Variants in ICA1L observed in about 807,000 individuals in gnomAD.
ICA1L encodes the protein islet cell autoantigen 1-like protein.
A neutral mutation model predicts 61.3 loss-of-function variants in ICA1L; 50 were observed. That is an observed-to-expected ratio of 0.82 (90% CI 0.65 to 1.03). The LOEUF (loss-of-function observed/expected upper bound fraction) is 1.03, where lower values mean the gene tolerates loss of function less well. Ranked by LOEUF, ICA1L falls within the 50% of genes least tolerant of loss-of-function variation. ICA1L has a pLI of 0.00. For synonymous variants in ICA1L, 161 were observed against 191.3 expected (o/e 0.84, Z 1.31); for missense variants, 508 against 556.7 (o/e 0.91, Z 0.88).
At chr2:202,839,804 G>A (rs576742113) in intron 1 of ICA1L, among the ~76,000 whole-genome samples, 2 of 151,466 alleles carry the variant, frequency 1.3e-5, no homozygotes, top group South Asian at 2.1e-4. Context: ...GTGATTAGAC[G>A]ATTTTTCTCT....
intron 12 of ICA1L, among the ~76,000 whole-genome samples, chr2:202,783,715 T>C (rs1001988309): frequency 3.3e-5 from 5 of 152,224 alleles, no homozygotes; most frequent in African/African-American, 1.2e-4. Context: ...TGACAAACTC[T>C]GAATAAGATC....
rs571799720 is a variant in ICA1L at position 202,849,148 on chromosome 2, T to C, written c.-7-20132A>G. On this transcript the variant is annotated intron_variant, in intron 1 of 12. Transcript: ENST00000358299. The surrounding 1 kb of genome is among the most constrained non-coding windows in gnomAD (Gnocchi z 4.5). ...ATCCGCAGACCAGAAGATTCCCACA[T>C]GTGCCTATACCACCAGGGCCCTGGG... is the stretch of plus-strand genomic sequence containing the variant. Among the ~76,000 whole-genome samples the C allele has an allele frequency of 7.2e-5, 11 of 152,318 alleles. No homozygotes were observed. Among genetic ancestry groups the C allele is most frequent in the Middle Eastern group, 3.4e-3 (1 of 294 alleles).
chr2:202,792,323 A>G (rs1478618452), intron 10 of ICA1L, among the ~76,000 whole-genome samples: 3 of 152,184 alleles, frequency 2.0e-5, no homozygotes, highest in Admixed American at 6.5e-5. Context: ...CAACCTAGCA[A>G]TTTCACTCCT....
intron 12 of ICA1L, among the ~76,000 whole-genome samples, chr2:202,783,310 G>A (rs899016725): frequency 1.3e-5 from 2 of 152,132 alleles, no homozygotes; most frequent in African/African-American, 4.8e-5. Context: ...ATTACAAAGG[G>A]AAAAATACAG....
At chr2:202,803,163 T>G (rs1038965508) in intron 9 of ICA1L, among the ~76,000 whole-genome samples, 4 of 151,998 alleles carry the variant, frequency 2.6e-5, no homozygotes, top group African/African-American at 9.7e-5. Context: ...GTCCCAGCAC[T>G]CTGGGAGTCC....
intron 1 of ICA1L, among the ~76,000 whole-genome samples, chr2:202,857,685 G>C (rs1694803417): frequency 6.6e-6 from 1 of 152,110 alleles, no homozygotes; most frequent in South Asian, 2.1e-4. Context: ...AAAGTGAACA[G>C]GCAACCTACA....
At chr2:202,852,500 C>A (rs1218589089) in intron 1 of ICA1L, among the ~76,000 whole-genome samples, 1 of 151,476 alleles carries the variant, frequency 6.6e-6, no homozygotes, top group East Asian at 1.9e-4. Flanking sequence ...GAAACCCTGT[C>A]TCTACTAAAA....
In ICA1L at chr2:202,785,900, TATAA is replaced by T. The variant is rs1464804034; in HGVS notation, c.1333+14_1333+17del. 1.5e-6 allele frequency: 2 copies of T among 1,327,378 alleles called. No homozygotes were observed. The highest frequency in any genetic ancestry group is 2.1e-6 in the Non-Finnish European group (2 of 932,396). 82.2% of individuals were successfully genotyped at this position (1,327,378 alleles called of 1,614,324 possible). On this transcript the variant is annotated intron_variant, in intron 12 of 12. Transcript: ENST00000358299. ...ATTCTTAAAGCAATGATAAAGAATATATAAATAAATAACTTACATCTTGTTAATT... is the reference window on the plus strand; with the variant it reads ...ATTCTTAAAGCAATGATAAAGAATATATAAATAACTTACATCTTGTTAATT...
rs75429547 is a variant in ICA1L, at chr2:202,865,469, G to GA, written c.-8+6149dup. Among the ~76,000 whole-genome samples, 1,022 of 130,730 alleles carry GA rather than the reference G, an allele frequency of 7.8e-3. 6 individuals are homozygous for GA. The highest frequency in any genetic ancestry group is 0.011 in the Non-Finnish European group (681 of 61,406). The allele number at this position is 130,730 out of a possible 152,430, so 85.8% of individuals were successfully genotyped here. A position where few individuals can be genotyped will look rare whatever the true frequency, so the allele number is the denominator to read the frequency against. ...GGGTGACAAAGCAAGACTCCATCCC[G>GA]AAAAAAAAAAAAAGAAAACAACAAC... is the stretch of plus-strand genomic sequence containing the variant. On this transcript the variant is annotated intron_variant, in intron 1 of 12. Transcript: ENST00000358299.
intron 9 of ICA1L, among the ~76,000 whole-genome samples, chr2:202,807,946 G>A (rs1693269081): frequency 6.6e-6 from 1 of 152,034 alleles, no homozygotes; most frequent in Non-Finnish European, 1.5e-5. Context: ...AGAGACCCTG[G>A]GCCCTGAATA....
chr2:202,864,020 T>C (rs1687386955), intron 1 of ICA1L, among the ~76,000 whole-genome samples: 2 of 152,172 alleles, frequency 1.3e-5, no homozygotes. Context: ...CTTATACTCA[T>C]TTTAAAAAGT....
At chr2:202,853,119 G>A (rs967755824) in intron 1 of ICA1L, among the ~76,000 whole-genome samples, 1 of 152,040 alleles carries the variant, frequency 6.6e-6, no homozygotes, top group African/African-American at 2.4e-5. Context: ...AGCACTTTGG[G>A]AGGCCGAGGC....
intron 9 of ICA1L, among the ~76,000 whole-genome samples, chr2:202,810,803 G>C (rs1246364249): frequency 6.6e-6 from 1 of 152,158 alleles, no homozygotes; most frequent in Non-Finnish European, 1.5e-5. Flanking sequence ...CCTCTAAAAT[G>C]GCTGCTTTGG....
At chr2:202,808,703 A>G (rs1420848598) in intron 9 of ICA1L, among the ~76,000 whole-genome samples, 1 of 152,208 alleles carries the variant, frequency 6.6e-6, no homozygotes, top group East Asian at 1.9e-4. Context: ...GGGGGAAGTA[A>G]GGGAAAAGAA....
At chr2:202,851,612 G>A (rs1313853027) in intron 1 of ICA1L, among the ~76,000 whole-genome samples, 2 of 152,152 alleles carry the variant, frequency 1.3e-5, no homozygotes, top group East Asian at 3.9e-4. Flanking sequence ...GGTTGAACTA[G>A]TTTACCTCCC....
At chr2:202,835,025 G>T (rs1292382831) in intron 1 of ICA1L, among the ~76,000 whole-genome samples, 2 of 151,926 alleles carry the variant, frequency 1.3e-5, no homozygotes, top group Non-Finnish European at 2.9e-5. Flanking sequence ...TAGTGACAAT[G>T]TCCCACTATG....
intron 10 of ICA1L, among the ~76,000 whole-genome samples, chr2:202,793,511 A>T (rs1156600912): frequency 4.1e-5 from 6 of 147,790 alleles, no homozygotes; most frequent in Non-Finnish European, 7.5e-5. Flanking sequence ...AAAAAAAAAA[A>T]AAAAAAAAAA....
At chr2:202,846,746 CATTCA>C (rs946161688) in intron 1 of ICA1L, among the ~76,000 whole-genome samples, 8 of 152,162 alleles carry the variant, frequency 5.3e-5, no homozygotes, top group Non-Finnish European at 1.0e-4. Flanking sequence ...TTCATTCATT[CATTCA>C]TTCATTGTTA....
intron 1 of ICA1L, chr2:202,869,488 T>C (rs943608089): frequency 2.0e-5 from 3 of 152,148 alleles, no homozygotes; most frequent in African/African-American, 7.2e-5. Context: ...GTATAAAATA[T>C]AATTTAAAAA....
Sources: allele counts gnomAD v4.1 joint callset (sites outside exome capture counted in the v4.1 genomes callset), GRCh38; gene constraint gnomAD v4.1.1; non-coding constraint Gnocchi (gnomAD v3.1); transcripts MANE v1.5; gene names NCBI Gene and HGNC (gene_info 2026-07-23, HGNC 2026-07-21).